TNFSF4: variants seen among roughly 807,000 people sequenced by gnomAD.
The protein encoded by TNFSF4 is tumor necrosis factor ligand superfamily member 4.
In TNFSF4, 4 loss-of-function variants were observed where a neutral mutation model predicts 7.3. That is an observed-to-expected ratio of 0.55 (90% CI 0.27 to 1.25). TNFSF4 has a LOEUF of 1.25. Among genes scored for constraint, TNFSF4 ranks in the 50% most tolerant of loss-of-function variants. The pLI is 0.12. For synonymous variants in TNFSF4, 76 were observed against 83.7 expected (o/e 0.91, Z 0.50); for missense variants, 181 against 208.8 (o/e 0.87, Z 0.82).
the TNFSF4 span, among the ~76,000 whole-genome samples, chr1:173,356,565 T>C: frequency 6.6e-6 from 1 of 152,226 alleles, no homozygotes; most frequent in African/African-American, 2.4e-5. Context: ...GTGCTCAACT[T>C]AAGTCCCCCT....
the TNFSF4 span, among the ~76,000 whole-genome samples, chr1:173,231,414 C>T: frequency 3.3e-5 from 5 of 152,176 alleles, no homozygotes; most frequent in Non-Finnish European, 5.9e-5. Flanking sequence ...GCTAAAAACT[C>T]TCAATAAATT....
chr1:173,176,251 C>T, the TNFSF4 span, among the ~76,000 whole-genome samples: 15 of 152,006 alleles, frequency 9.9e-5, no homozygotes, highest in East Asian at 9.6e-4. Context: ...TATTTCCATG[C>T]TACCAGTATG....
chr1:173,246,798 T>A, the TNFSF4 span, among the ~76,000 whole-genome samples: 7 of 152,204 alleles, frequency 4.6e-5, no homozygotes, highest in Admixed American at 4.6e-4. Flanking sequence ...TCCTTCCTGG[T>A]CCCACACACA....
the TNFSF4 span, among the ~76,000 whole-genome samples, chr1:173,228,198 C>A: frequency 6.6e-6 from 1 of 152,174 alleles, no homozygotes; most frequent in South Asian, 2.1e-4. Flanking sequence ...AGACTGGCAC[C>A]TCACACAGCT....
chr1:173,304,260 A>T, the TNFSF4 span, among the ~76,000 whole-genome samples: 1 of 151,966 alleles, frequency 6.6e-6, no homozygotes, highest in Non-Finnish European at 1.5e-5. Context: ...CAAAATAAAT[A>T]TCCCACAGCC....
chr1:173,393,826 G>C, the TNFSF4 span, among the ~76,000 whole-genome samples: 1 of 152,164 alleles, frequency 6.6e-6, no homozygotes, highest in Non-Finnish European at 1.5e-5. Context: ...TATTAGCTGA[G>C]ACATGTGAGA....
At chr1:173,241,342 A>G in the TNFSF4 span, among the ~76,000 whole-genome samples, 3 of 152,090 alleles carry the variant, frequency 2.0e-5, no homozygotes, top group Non-Finnish European at 2.9e-5. Context: ...AAATCCTGTG[A>G]CCCCCCTGAT....
chr1:173,179,655 T>C (rs1649016214), downstream of TNFSF4, among the ~76,000 whole-genome samples: 1 of 152,222 alleles, frequency 6.6e-6, no homozygotes, highest in Non-Finnish European at 1.5e-5. Flanking sequence ...CATCTTTGGA[T>C]GATGTTCATT....
the TNFSF4 span, among the ~76,000 whole-genome samples, chr1:173,314,993 G>GA: frequency 6.6e-6 from 1 of 152,132 alleles, no homozygotes; most frequent in East Asian, 1.9e-4. Flanking sequence ...GAAACTCAAA[G>GA]GAGAGAGAGG....
chr1:173,189,480 T>G (rs1649381696), intron 1 of TNFSF4, among the ~76,000 whole-genome samples: 1 of 152,194 alleles, frequency 6.6e-6, no homozygotes, highest in Non-Finnish European at 1.5e-5. Context: ...GATCTTTCTC[T>G]TCAACAGCTT....
chr1:173,226,389 T>A, the TNFSF4 span, among the ~76,000 whole-genome samples: 1 of 152,210 alleles, frequency 6.6e-6, no homozygotes, highest in Non-Finnish European at 1.5e-5. Context: ...GCTTTCTCTC[T>A]TTTCCCTTTT....
the TNFSF4 span, chr1:173,440,501 A>T: frequency 6.6e-6 from 1 of 152,342 alleles, no homozygotes; most frequent in African/African-American, 2.4e-5. Context: ...GTCCATGCTT[A>T]ATTCCACCTT....
chr1:173,256,939 T>C, the TNFSF4 span, among the ~76,000 whole-genome samples: 1 of 152,236 alleles, frequency 6.6e-6, no homozygotes, highest in Non-Finnish European at 1.5e-5. Flanking sequence ...ATTCTAAAGA[T>C]GAAATTGGGT....
At chr1:173,399,711 A>G in the TNFSF4 span, among the ~76,000 whole-genome samples, 1 of 152,120 alleles carries the variant, frequency 6.6e-6, no homozygotes, top group African/African-American at 2.4e-5. Flanking sequence ...AGGGTGACCT[A>G]TTCTGTTGAT....
chr1:173,408,502 A>G, the TNFSF4 span, among the ~76,000 whole-genome samples: 1 of 152,320 alleles, frequency 6.6e-6, no homozygotes, highest in East Asian at 1.9e-4. Flanking sequence ...TTAAAAAATC[A>G]CTGCTTGGCA....
At chr1:173,446,959 C>T in the TNFSF4 span, among the ~76,000 whole-genome samples, 1 of 152,164 alleles carries the variant, frequency 6.6e-6, no homozygotes, top group African/African-American at 2.4e-5. Context: ...AATAAACTCC[C>T]CTTCATATAT....
the TNFSF4 span, among the ~76,000 whole-genome samples, chr1:173,347,184 G>A: frequency 6.6e-6 from 1 of 152,200 alleles, no homozygotes; most frequent in African/African-American, 2.4e-5. Flanking sequence ...CTCCTTGAAT[G>A]ATTCCATTTC....
At chr1:173,401,750 C>T in the TNFSF4 span, among the ~76,000 whole-genome samples, 1 of 152,164 alleles carries the variant, frequency 6.6e-6, no homozygotes, top group Non-Finnish European at 1.5e-5. Flanking sequence ...ACACAACACA[C>T]ACACACACAC....
At chr1:173,318,536 T>A in the TNFSF4 span, among the ~76,000 whole-genome samples, 1 of 152,120 alleles carries the variant, frequency 6.6e-6, no homozygotes, top group East Asian at 1.9e-4. Flanking sequence ...GAAATTCAAA[T>A]GATCAACAAA....
Sources: gnomAD v4.1 joint callset for allele counts (sites outside exome capture counted in the v4.1 genomes callset) on GRCh38, gnomAD v4.1.1 for gene constraint, MANE v1.5 for transcripts, NCBI Gene and HGNC (gene_info 2026-07-23, HGNC 2026-07-21) for gene names.